ANK2: variants seen among roughly 807,000 people sequenced by gnomAD.
The protein encoded by ANK2 is ankyrin-2.
In ANK2, 83 loss-of-function variants were observed where a neutral mutation model predicts 360.5. The observed-to-expected ratio is 0.23, with a 90% CI of 0.19 to 0.28. The LOEUF (loss-of-function observed/expected upper bound fraction) is 0.28. ANK2 is among the 10% of genes least tolerant of loss of function. The pLI, the probability that ANK2 is intolerant of heterozygous loss-of-function variation, is 1.00. For synonymous variants in ANK2, 1,740 were observed against 1,759.5 expected (o/e 0.99, Z 0.28); for missense variants, 4,201 against 4,795.7 (o/e 0.88, Z 3.66).
chr4:113,009,699 T>C (rs7659424), intron 2 of ANK2, among the ~76,000 whole-genome samples: 2,753 of 152,238 alleles, frequency 0.018, 73 homozygotes, highest in African/African-American at 0.061. Context: ...GATAAGTGGC[T>C]TGGGAAAGGA....
At chr4:113,314,254 CT>C (rs1349656850) in intron 24 of ANK2, among the ~76,000 whole-genome samples, 1 of 152,160 alleles carries the variant, frequency 6.6e-6, no homozygotes, top group Non-Finnish European at 1.5e-5. Context: ...ACAGAAGCTT[CT>C]TCATATCTTA....
the ANK2 span, among the ~76,000 whole-genome samples, chr4:112,744,434 C>A: frequency 6.6e-6 from 1 of 151,652 alleles, no homozygotes; most frequent in African/African-American, 2.4e-5. Flanking sequence ...GTAGCCCCCG[C>A]CTCCCGGGTT....
chr4:112,833,253 G>C (rs542807676), intron 1 of ANK2, among the ~76,000 whole-genome samples: 4 of 152,320 alleles, frequency 2.6e-5, no homozygotes, highest in Admixed American at 2.0e-4. Flanking sequence ...GAAATAATAC[G>C]CTGAAATGCC....
chr4:113,004,924 G>A (rs1383784120), intron 2 of ANK2, among the ~76,000 whole-genome samples: 2 of 152,140 alleles, frequency 1.3e-5, no homozygotes, highest in Admixed American at 6.5e-5. Flanking sequence ...ATGTCATCAC[G>A]TGGCGCATGA....
chr4:112,894,632 A>T (rs1247740390), intron 1 of ANK2, among the ~76,000 whole-genome samples: 1 of 152,282 alleles, frequency 6.6e-6, no homozygotes, highest in East Asian at 1.9e-4. Flanking sequence ...ACACGGTAAA[A>T]TGCAAATACT....
intron 1 of ANK2, among the ~76,000 whole-genome samples, chr4:113,128,840 G>A (rs2095833571): frequency 6.6e-6 from 1 of 152,138 alleles, no homozygotes; most frequent in African/African-American, 2.4e-5. Context: ...AGAGTTGTAC[G>A]TTGTGTGTAT....
the ANK2 span, among the ~76,000 whole-genome samples, chr4:112,759,119 A>G: frequency 1.4e-4 from 21 of 152,032 alleles, no homozygotes; most frequent in Non-Finnish European, 2.4e-4. Flanking sequence ...TAGGTCTACT[A>G]TCAGAGCAGT....
chr4:113,287,575 T>C (rs769493938), intron 18 of ANK2, 30 bp from the exon 19 acceptor site: 1 of 1,469,570 alleles, frequency 6.8e-7, no homozygotes, highest in Non-Finnish European at 9.5e-7. Flanking sequence ...CTTCTTCAAC[T>C]GTATCCCTTT....
chr4:113,376,976 C>T (rs1395644806), intron 45 of ANK2, among the ~76,000 whole-genome samples: 2 of 151,872 alleles, frequency 1.3e-5, no homozygotes, highest in African/African-American at 4.8e-5. Flanking sequence ...AAAACAATGC[C>T]TTATTCTGCA....
intron 24 of ANK2, among the ~76,000 whole-genome samples, chr4:113,314,170 G>A (rs566449975): frequency 1.3e-5 from 2 of 152,244 alleles, no homozygotes; most frequent in East Asian, 3.9e-4. Flanking sequence ...TTTTGCATCT[G>A]TTTTATTTTA....
chr4:112,995,999 T>A (rs1003758769), intron 2 of ANK2, among the ~76,000 whole-genome samples: 39 of 152,194 alleles, frequency 2.6e-4, no homozygotes, highest in African/African-American at 9.2e-4. Context: ...AATAAAAGCA[T>A]AAACCCATGC....
intron 10 of ANK2, among the ~76,000 whole-genome samples, chr4:113,252,462 A>C (rs541200701): frequency 1.3e-5 from 2 of 152,316 alleles, no homozygotes; most frequent in East Asian, 3.9e-4. Context: ...AGCTCTCAGC[A>C]AACTGTGACT....
At chr4:112,887,141 T>G (rs562317951) in intron 1 of ANK2, among the ~76,000 whole-genome samples, 1 of 152,356 alleles carries the variant, frequency 6.6e-6, no homozygotes, top group Admixed American at 6.5e-5. Context: ...TCTGCGTACT[T>G]ATTTTCTTTC....
intron 29 of ANK2, among the ~76,000 whole-genome samples, chr4:113,335,234 G>A (rs2093349218): frequency 6.6e-6 from 1 of 152,022 alleles, no homozygotes; most frequent in South Asian, 2.1e-4. Flanking sequence ...AATGGCATCA[G>A]GGGAATATTG....
intron 4 of ANK2, among the ~76,000 whole-genome samples, chr4:113,210,768 A>G (rs1584955628): frequency 1.3e-5 from 2 of 152,282 alleles, no homozygotes; most frequent in East Asian, 3.9e-4. Flanking sequence ...TGCTGTTGTT[A>G]TATTTATTAT....
chr4:113,051,254 T>G (rs1439242337), intron 1 of ANK2, among the ~76,000 whole-genome samples: 1 of 152,164 alleles, frequency 6.6e-6, no homozygotes, highest in Non-Finnish European at 1.5e-5. Flanking sequence ...TAATTCACAT[T>G]ATCATTTCAA....
At chr4:112,803,235 T>G in the ANK2 span, among the ~76,000 whole-genome samples, 1 of 152,172 alleles carries the variant, frequency 6.6e-6, no homozygotes, top group Non-Finnish European at 1.5e-5. Flanking sequence ...CAGGTCCTAA[T>G]TCCAGGAACC....
At chr4:112,733,245 A>G in the ANK2 span, among the ~76,000 whole-genome samples, 6 of 152,080 alleles carry the variant, frequency 3.9e-5, no homozygotes, top group South Asian at 2.1e-4. Context: ...CATAAAAAAA[A>G]TAAATAACAC....
intron 2 of ANK2, among the ~76,000 whole-genome samples, chr4:112,949,116 C>T (rs960384881): frequency 1.3e-5 from 2 of 152,142 alleles, no homozygotes; most frequent in Non-Finnish European, 2.9e-5. Flanking sequence ...CAGCAGTGTT[C>T]TTGGGCTGTG....
Sources: gnomAD v4.1 joint callset for allele counts (sites outside exome capture counted in the v4.1 genomes callset) on GRCh38, gnomAD v4.1.1 for gene constraint, MANE v1.5 for transcripts, NCBI Gene and HGNC (gene_info 2026-07-23, HGNC 2026-07-21) for gene names.